SESN1: variants seen among roughly 807,000 people sequenced by gnomAD.
The protein encoded by SESN1 is sestrin-1.
A neutral mutation model predicts 59.3 loss-of-function variants in SESN1; 30 were observed. The ratio of observed to expected loss-of-function variants is 0.51; its 90% CI spans 0.38 to 0.69. The LOEUF (loss-of-function observed/expected upper bound fraction) is 0.69. Among genes scored for constraint, SESN1 ranks in the 30% least tolerant of loss-of-function variants. The pLI is 0.00. For synonymous variants in SESN1, 197 were observed against 219.9 expected, an observed-to-expected ratio of 0.90 and a Z score of 0.92; for missense variants, 566 against 673.0, an observed-to-expected ratio of 0.84 and a Z score of 1.76.
chr6:109,031,809 T>A (rs922056579), intron 1 of SESN1, among the ~76,000 whole-genome samples: 1 of 152,170 alleles, frequency 6.6e-6, no homozygotes, highest in African/African-American at 2.4e-5. Flanking sequence ...TAACTTCCCC[T>A]AAGATTACAG....
intron 1 of SESN1, among the ~76,000 whole-genome samples, chr6:109,078,373 C>A (rs1460750313): frequency 6.6e-6 from 1 of 152,016 alleles, no homozygotes; most frequent in Non-Finnish European, 1.5e-5. Flanking sequence ...TGGAGTAAGA[C>A]ACTGTCTCAA....
chr6:109,093,565 G>A (rs1220246605), intron 1 of SESN1, among the ~76,000 whole-genome samples: 1 of 152,070 alleles, frequency 6.6e-6, no homozygotes, highest in East Asian at 1.9e-4. Flanking sequence ...GGAAAAACAA[G>A]TATTTACTTG....
At position 108,988,640 on chromosome 6, in the gene SESN1, C is replaced by CTACG; in HGVS notation, c.1468_1471dup (p.Ser491ThrfsTer2). On this transcript the variant is annotated stop_gained and frameshift_variant, in exon 9 of 10. Transcript: ENST00000436639. LOFTEE classifies it high-confidence loss of function. Reference sequence around the variant, plus strand: ...AACAGTTTTGATATAAACTTTAAAGCTACGATCCAATAGCTGGTTAATTTC... The same window carrying CTACG: ...AACAGTTTTGATATAAACTTTAAAGCTACGTACGATCCAATAGCTGGTTAATTTC... 6.2e-7 allele frequency: 1 copy of CTACG among 1,611,884 alleles called. No homozygotes were observed. Among genetic ancestry groups the CTACG allele is most frequent in the Non-Finnish European group, 8.5e-7 (1 of 1,178,846 alleles).
At chr6:109,072,602 A>G (rs1780957577) in intron 1 of SESN1, among the ~76,000 whole-genome samples, 1 of 152,228 alleles carries the variant, frequency 6.6e-6, no homozygotes, top group South Asian at 2.1e-4. Context: ...AACAAAACAC[A>G]GTACTACTAA....
rs981403059 is a variant in SESN1, at chr6:109,045,397, T to C, written c.280-43054A>G. 2.0e-5 allele frequency among the ~76,000 whole-genome samples: 3 copies of C among 152,216 alleles called. No homozygotes were observed. In the South Asian group the frequency reaches 6.2e-4, roughly 31 times the overall value. On this transcript the variant is annotated intron_variant, in intron 1 of 9. Coordinates refer to ENST00000436639, the MANE Select transcript of SESN1 (RefSeq NM_014454.3). ...TTCCAAAATGCAGATCTGATGATGA[T>C]ATAATCCTTTATAGGTTCCCCCTAA... is the stretch of plus-strand genomic sequence containing the variant.
chr6:108,999,550 C>T (rs755641453), intron 4 of SESN1, among the ~76,000 whole-genome samples: 27 of 152,074 alleles, frequency 1.8e-4, no homozygotes, highest in Non-Finnish European at 2.9e-4. Flanking sequence ...GCATTTAAAA[C>T]GTAACATAAA....
chr6:109,021,579 G>A (rs992216364), intron 1 of SESN1, among the ~76,000 whole-genome samples: 8 of 151,798 alleles, frequency 5.3e-5, no homozygotes, highest in Non-Finnish European at 1.5e-5. Flanking sequence ...CTGGGACTAC[G>A]GATGCCTGCC....
chr6:109,066,574 A>C (rs577273300), intron 1 of SESN1, among the ~76,000 whole-genome samples: 91 of 152,288 alleles, frequency 6.0e-4, no homozygotes, highest in African/African-American at 2.1e-3. Context: ...TGGCATTTAA[A>C]TTTTAATAAA....
At chr6:109,009,318 C>A in intron 1 of SESN1, 1 of 1,451,346 alleles carries the variant, frequency 6.9e-7, no homozygotes. Flanking sequence ...TGCCCACCCG[C>A]CCAGGTACCC....
At chr6:109,086,310 C>A (rs916535367) in intron 1 of SESN1, among the ~76,000 whole-genome samples, 4 of 152,146 alleles carry the variant, frequency 2.6e-5, no homozygotes, top group Admixed American at 2.6e-4. Flanking sequence ...CAAGATCATG[C>A]CACTGCACTC....
chr6:109,069,780 A>T (rs1170300909), intron 1 of SESN1, among the ~76,000 whole-genome samples: 3 of 151,920 alleles, frequency 2.0e-5, no homozygotes, highest in African/African-American at 7.3e-5. Flanking sequence ...CTGGTCTCAA[A>T]CTCCTGGCCT....
At chr6:109,043,115 G>GA (rs1780367372) in intron 1 of SESN1, among the ~76,000 whole-genome samples, 1 of 152,164 alleles carries the variant, frequency 6.6e-6, no homozygotes, top group South Asian at 2.1e-4. Flanking sequence ...AATTGATGCA[G>GA]AAAAACATTT....
chr6:109,043,379 T>TA (rs1194234699), intron 1 of SESN1, among the ~76,000 whole-genome samples: 4 of 151,882 alleles, frequency 2.6e-5, no homozygotes, highest in Non-Finnish European at 1.5e-5. Context: ...GCCATACAGA[T>TA]AAAAAACAAC....
At chr6:109,080,215 G>A (rs1037912609) in intron 1 of SESN1, among the ~76,000 whole-genome samples, 2 of 152,134 alleles carry the variant, frequency 1.3e-5, no homozygotes, top group Non-Finnish European at 2.9e-5. Flanking sequence ...ATCATTGCAA[G>A]GAGTTACTAC....
intron 1 of SESN1, among the ~76,000 whole-genome samples, chr6:109,037,813 T>C (rs1172405567): frequency 3.3e-5 from 5 of 152,148 alleles, no homozygotes; most frequent in Non-Finnish European, 7.4e-5. Flanking sequence ...TAGAAACTTG[T>C]CACCCAGATT....
intron 8 of SESN1, 151 bp downstream of exon 8, chr6:108,990,494 G>A (rs1779349957): frequency 1.4e-6 from 1 of 698,722 alleles, no homozygotes; most frequent in Non-Finnish European, 2.4e-6. Context: ...CAATAAAGTG[G>A]TTCTTTGAAG....
rs1190656903 is a variant in SESN1 at position 108,985,360 on chromosome 6, T to A, written c.*2184A>T. On this transcript the variant is annotated 3_prime_UTR_variant, in exon 10 of 10. Coordinates refer to ENST00000436639, the MANE Select transcript of SESN1 (RefSeq NM_014454.3). The stretch of plus-strand genomic sequence containing the variant: ...TCTCATGATTATTTTAGAAGAAAAT[T>A]TTCCTCTGGTTGGGGAAGGTTTTGA... Among the ~76,000 whole-genome samples the A allele has an allele frequency of 5.9e-5, 9 of 152,132 alleles. No homozygotes were observed. The highest frequency in any genetic ancestry group is 2.2e-4 in the African/African-American group (9 of 41,446).
chr6:109,060,512 T>C (rs1048916723), intron 1 of SESN1, among the ~76,000 whole-genome samples: 30 of 152,218 alleles, frequency 2.0e-4, no homozygotes, highest in African/African-American at 7.2e-4. Flanking sequence ...ATGAAGATTC[T>C]AGAAAAGTGT....
At chr6:109,008,488 C>A (rs1779781447) in intron 1 of SESN1, among the ~76,000 whole-genome samples, 1 of 152,150 alleles carries the variant, frequency 6.6e-6, no homozygotes, top group Non-Finnish European at 1.5e-5. Flanking sequence ...AAAGTGTCTT[C>A]ATTTAAGTTT....
Sources: gnomAD v4.1 joint callset for allele counts (sites outside exome capture counted in the v4.1 genomes callset) on GRCh38, gnomAD v4.1.1 for gene constraint, MANE v1.5 for transcripts, NCBI Gene and HGNC (gene_info 2026-07-23, HGNC 2026-07-21) for gene names.